Variants in RASSF6 observed in about 807,000 individuals in gnomAD.
RASSF6 encodes Ras association domain family member 6, also known as ras association domain-containing protein 6.
In RASSF6, 52 loss-of-function variants were observed where a neutral mutation model predicts 44.0. The observed-to-expected ratio is 1.18, with a 90% CI of 0.95 to 1.49. The LOEUF is 1.49. RASSF6 is among the 40% of genes most tolerant of loss of function. The probability of loss-of-function intolerance (pLI) is 0.00; values close to 1 mark genes in which losing one functional copy is unlikely to be tolerated. For synonymous variants in RASSF6, 162 were observed against 124.6 expected (o/e 1.30, Z -2.00); for missense variants, 464 against 393.3 (o/e 1.18, Z -1.52).
chr4:73,578,436 T>C (rs1723386956), intron 8 of RASSF6, among the ~76,000 whole-genome samples: 1 of 151,970 alleles, frequency 6.6e-6, no homozygotes, highest in African/African-American at 2.4e-5. Flanking sequence ...AAAATTCCCT[T>C]CCCCAAACAT....
chr4:73,608,475 G>A (rs1725800611), intron 2 of RASSF6, among the ~76,000 whole-genome samples: 1 of 152,038 alleles, frequency 6.6e-6, no homozygotes, highest in South Asian at 2.1e-4. Flanking sequence ...ACCCTTTTGT[G>A]ACAAAATAAC....
intron 1 of RASSF6, among the ~76,000 whole-genome samples, chr4:73,615,502 G>A (rs1726298272): frequency 6.6e-6 from 1 of 152,234 alleles, no homozygotes. Context: ...GGGATGTTCA[G>A]TAATTTTGGT....
At chr4:73,582,037 A>G in intron 7 of RASSF6, 152 bp downstream of exon 7, 1 of 650,098 alleles carries the variant, frequency 1.5e-6, no homozygotes, top group Non-Finnish European at 2.6e-6. Context: ...GATAGTTACT[A>G]AAAGGTGTTA....
chr4:73,602,924 T>G (rs1725372483), intron 2 of RASSF6, among the ~76,000 whole-genome samples: 1 of 152,020 alleles, frequency 6.6e-6, no homozygotes, highest in African/African-American at 2.4e-5. Context: ...CCGTCTCTAC[T>G]AAATATACAA....
At chr4:73,594,094 A>T (rs971946381) in intron 3 of RASSF6, among the ~76,000 whole-genome samples, 12 of 152,246 alleles carry the variant, frequency 7.9e-5, no homozygotes, top group African/African-American at 2.9e-4. Flanking sequence ...CAAAACATAG[A>T]TATATTTTTT....
intron 1 of RASSF6, among the ~76,000 whole-genome samples, chr4:73,616,296 T>G (rs1726361849): frequency 6.6e-6 from 1 of 152,278 alleles, no homozygotes; most frequent in African/African-American, 2.4e-5. Context: ...CTAACTTCCC[T>G]GTATTTCCCA....
chr4:73,582,067 C>T, intron 7 of RASSF6, 122 bp downstream of exon 7: 2 of 649,908 alleles, frequency 3.1e-6, no homozygotes, highest in Non-Finnish European at 5.2e-6. Context: ...AAGAATCTTT[C>T]AGTGCTCAAC....
rs564780488 is a variant in RASSF6, at chr4:73,584,484, A to G, written c.567+696T>C. Among the ~76,000 whole-genome samples the G allele has an allele frequency of 4.6e-5, 7 of 152,296 alleles. No homozygotes were observed. In the South Asian group the frequency reaches 1.5e-3, roughly 32 times the overall value. ...AAAGGCACATATAAATTTAACACATATTCAGTGAAAAAGCAGAATGTGAAT... is the reference window on the plus strand; with the variant it reads ...AAAGGCACATATAAATTTAACACATGTTCAGTGAAAAAGCAGAATGTGAAT... On this transcript the variant is annotated intron_variant, in intron 6 of 10. Coordinates refer to ENST00000307439, the MANE Select transcript of RASSF6 (RefSeq NM_177532.5).
At chr4:73,606,571 T>C (rs1725653544) in intron 2 of RASSF6, among the ~76,000 whole-genome samples, 1 of 152,166 alleles carries the variant, frequency 6.6e-6, no homozygotes, top group Non-Finnish European at 1.5e-5. Context: ...AGCTCATATT[T>C]GGGTCTTGCT....
intron 8 of RASSF6, among the ~76,000 whole-genome samples, chr4:73,580,202 T>C (rs2149364525): frequency 6.6e-6 from 1 of 152,142 alleles, no homozygotes; most frequent in East Asian, 1.9e-4. Flanking sequence ...GGACATGAAC[T>C]CATCATTTTT....
chr4:73,580,206 C>A (rs954647919), intron 8 of RASSF6, among the ~76,000 whole-genome samples: 1 of 151,844 alleles, frequency 6.6e-6, no homozygotes, highest in Non-Finnish European at 1.5e-5. Context: ...ATGAACTCAT[C>A]ATTTTTTATG....
At position 73,587,842 on chromosome 4, in the gene RASSF6, T is replaced by C; in HGVS notation, c.380A>G (p.Glu127Gly). ...IPMSEKRNSQ[E>G]DYLSYHSNTL... ...ATCAATAAGATTTTGATACTGACCT[T>C]CCTGGGAATTCCTTTTTTCAGACAT... is the stretch of plus-strand genomic sequence containing the variant. Residue 127 changes from glutamate (E) to glycine (G), a missense_variant and splice_region_variant, in exon 5 of 11, where the codon GAA becomes GGA. Coordinates refer to ENST00000307439, the MANE Select transcript of RASSF6 (RefSeq NM_177532.5). The C allele has an allele frequency of 6.3e-7, 1 of 1,599,794 alleles. No homozygotes were observed. Among genetic ancestry groups the C allele is most frequent in the Non-Finnish European group, 8.6e-7 (1 of 1,168,114 alleles).
Position 73,611,817 on chromosome 4 carries a change from G to C in RASSF6, c.-22C>G. On this transcript the variant is annotated 5_prime_UTR_variant, in exon 2 of 11. Coordinates refer to ENST00000307439, the MANE Select transcript of RASSF6 (RefSeq NM_177532.5). ...TCATCTTTTCCTCCTTTTTGAGATGGTCTGAGGATATCCTAAACATGAGAA... is the reference window on the plus strand; with the variant it reads ...TCATCTTTTCCTCCTTTTTGAGATGCTCTGAGGATATCCTAAACATGAGAA... The C allele has an allele frequency of 1.2e-6, 2 of 1,600,750 alleles. No individual in the cohort carries two copies.
At chr4:73,610,709 A>C (rs1267590061) in intron 2 of RASSF6, among the ~76,000 whole-genome samples, 1 of 152,180 alleles carries the variant, frequency 6.6e-6, no homozygotes, top group Non-Finnish European at 1.5e-5. Context: ...GGAAGGAACT[A>C]GGTTATATGC....
Position 73,611,788 on chromosome 4 carries a change from A to G in RASSF6, c.8T>C (p.Met3Thr), listed in dbSNP as rs140508928. 3.6e-4 allele frequency: 588 copies of G among 1,611,624 alleles called. 2 individuals carry two copies. In the African/African-American group the frequency reaches 7.2e-3, roughly 20 times the overall value. Residue 3 changes from methionine (M) to threonine (T), a missense_variant, in exon 2 of 11, where the codon ATG (methionine) becomes ACG (threonine). Met to Thr is a moderately conservative substitution (Grantham distance 81). Transcript: ENST00000307439. MT[M>T]MAHQYPSWIF... ...CCAAGAGGGGTACTGGTGAGCCATC[A>G]TAGTCATCTTTTCCTCCTTTTTGAG... is the stretch of plus-strand genomic sequence containing the variant.
intron 3 of RASSF6, among the ~76,000 whole-genome samples, chr4:73,596,528 ATTG>A (rs1289053571): frequency 1.3e-5 from 2 of 152,252 alleles, no homozygotes; most frequent in Admixed American, 6.5e-5. Flanking sequence ...AAGAATTAAT[ATTG>A]TTAAGATGGC....
At chr4:73,597,542 T>C (rs541721713) in intron 3 of RASSF6, among the ~76,000 whole-genome samples, 1 of 152,212 alleles carries the variant, frequency 6.6e-6, no homozygotes, top group East Asian at 1.9e-4. Context: ...ATTAATCTAA[T>C]CATTGAGGAA....
Position 73,593,594 on chromosome 4 carries a change from C to G in RASSF6, c.145-1G>C. The G allele has an allele frequency of 6.2e-7, 1 of 1,611,302 alleles. No individual in the cohort carries two copies. Among genetic ancestry groups the G allele is most frequent in the Non-Finnish European group, 8.5e-7 (1 of 1,178,772 alleles). ...CAACAATTAGTTTGCCATCTTCAGT[C>G]TAAGGAAGAAATGAATAATCCCCCA... is the stretch of plus-strand genomic sequence containing the variant. On this transcript the variant is annotated splice_acceptor_variant, in intron 3 of 10. Coordinates refer to ENST00000307439, the MANE Select transcript of RASSF6 (RefSeq NM_177532.5). LOFTEE classifies it high-confidence loss of function.
chr4:73,608,458 G>T (rs1012041377), intron 2 of RASSF6, among the ~76,000 whole-genome samples: 1 of 152,060 alleles, frequency 6.6e-6, no homozygotes, highest in Non-Finnish European at 1.5e-5. Flanking sequence ...TCATGATGAC[G>T]TTATTGACCC....
Sources: gnomAD v4.1 joint callset for allele counts (sites outside exome capture counted in the v4.1 genomes callset) on GRCh38, gnomAD v4.1.1 for gene constraint, MANE v1.5 for transcripts, NCBI Gene and HGNC (gene_info 2026-07-23, HGNC 2026-07-21) for gene names.